Variants in KALRN observed in about 807,000 individuals in gnomAD.
KALRN encodes kalirin.
Under a neutral mutation model 353.7 loss-of-function variants are expected in KALRN, and 70 were observed. The observed-to-expected ratio is 0.20, with a 90% confidence interval of 0.16 to 0.24. KALRN has a LOEUF of 0.24. KALRN is among the 10% of genes least tolerant of loss of function. The probability of loss-of-function intolerance (pLI) is 1.00; values close to 1 mark genes in which losing one functional copy is unlikely to be tolerated. For synonymous variants in KALRN, 1,391 were observed against 1,434.8 expected (o/e 0.97, Z 0.69); for missense variants, 2,791 against 3,756.7 (o/e 0.74, Z 6.72).
chr3:124,578,953 T>A (rs1340658122), intron 34 of KALRN, among the ~76,000 whole-genome samples: 1 of 152,166 alleles, frequency 6.6e-6, no homozygotes, highest in Non-Finnish European at 1.5e-5. Flanking sequence ...AAGGTCACAG[T>A]AAGAAGGGTC....
chr3:124,605,140 C>T (rs1019172018), intron 34 of KALRN, among the ~76,000 whole-genome samples: 2 of 151,422 alleles, frequency 1.3e-5, no homozygotes, highest in African/African-American at 4.9e-5. Flanking sequence ...TGCACAGGGT[C>T]TCACTCTGTT....
intron 1 of KALRN, among the ~76,000 whole-genome samples, chr3:124,097,296 G>A (rs2061518225): frequency 6.6e-6 from 1 of 152,240 alleles, no homozygotes; most frequent in South Asian, 2.1e-4. Context: ...ATGAGTAAAT[G>A]AATGAAAGAT....
Position 124,725,064 on chromosome 3 carries a change from T to A in KALRN, c.*5594T>A, listed in dbSNP as rs550431977. The stretch of plus-strand genomic sequence containing the variant: ...TAACAATTCTTGGAATGCCAACTCC[T>A]GAGGCTTAGTTTAACCAAGCTAATT... On this transcript the variant is annotated 3_prime_UTR_variant, in exon 60 of 60. Transcript: ENST00000682506. 7.2e-5 allele frequency: 11 copies of A among 152,334 alleles called. No individual in the cohort carries two copies. Among genetic ancestry groups the A allele is most frequent in the Non-Finnish European group, 1.2e-4 (8 of 68,010 alleles). The allele number at this position is 152,334 out of a possible 1,614,324, so 9.4% of individuals were successfully genotyped here. A position where few individuals can be genotyped will look rare whatever the true frequency, so the allele number is the denominator to read the frequency against.
At chr3:124,274,307 G>C (rs2074468333) in intron 5 of KALRN, among the ~76,000 whole-genome samples, 1 of 152,258 alleles carries the variant, frequency 6.6e-6, no homozygotes, top group South Asian at 2.1e-4. Flanking sequence ...ATAAGTATCA[G>C]AAAATATCGA....
At chr3:124,584,907 G>T (rs770695953) in intron 34 of KALRN, 16 of 1,598,672 alleles carry the variant, frequency 1.0e-5, no homozygotes, top group Non-Finnish European at 1.7e-6. Context: ...CCGTGTAGAG[G>T]TGAGTGGCTG....
At chr3:124,598,022 A>T (rs2076432456) in intron 34 of KALRN, among the ~76,000 whole-genome samples, 1 of 152,120 alleles carries the variant, frequency 6.6e-6, no homozygotes, top group African/African-American at 2.4e-5. Context: ...CTTTGGAAGG[A>T]ATCTGGAGGG....
chr3:124,111,878 C>T (rs1321614794), intron 1 of KALRN, among the ~76,000 whole-genome samples: 1 of 152,160 alleles, frequency 6.6e-6, no homozygotes, highest in Non-Finnish European at 1.5e-5. Flanking sequence ...TTACAAATTA[C>T]TTCTATAAAT....
chr3:124,590,684 C>A (rs1243879838), intron 34 of KALRN, among the ~76,000 whole-genome samples: 2 of 152,104 alleles, frequency 1.3e-5, no homozygotes, highest in Non-Finnish European at 2.9e-5. Context: ...AAGTGCTACT[C>A]TTTCAGTGAG....
intron 34 of KALRN, among the ~76,000 whole-genome samples, chr3:124,614,921 T>A (rs1208524605): frequency 6.6e-6 from 1 of 152,188 alleles, no homozygotes; most frequent in Non-Finnish European, 1.5e-5. Flanking sequence ...GAGTAGAAAA[T>A]TAGCCTCTTC....
At chr3:124,279,981 A>C (rs1193860101) in intron 5 of KALRN, among the ~76,000 whole-genome samples, 1 of 152,200 alleles carries the variant, frequency 6.6e-6, no homozygotes, top group African/African-American at 2.4e-5. Context: ...GCTGGAGCAC[A>C]GGCTCTACAG....
At chr3:124,362,344 A>C (rs538346894) in intron 10 of KALRN, among the ~76,000 whole-genome samples, 40 of 152,350 alleles carry the variant, frequency 2.6e-4, no homozygotes, top group African/African-American at 8.7e-4. Context: ...TCAAGTTGTG[A>C]CAGGAACAGA....
chr3:124,545,842 G>C (rs1297163909), intron 33 of KALRN, among the ~76,000 whole-genome samples: 1 of 152,162 alleles, frequency 6.6e-6, no homozygotes, highest in Non-Finnish European at 1.5e-5. Context: ...CATTATTTTA[G>C]ATAAGGACAG....
At chr3:124,233,919 T>C (rs796587043) in intron 2 of KALRN, among the ~76,000 whole-genome samples, 55 of 152,352 alleles carry the variant, frequency 3.6e-4, no homozygotes, top group African/African-American at 1.3e-3. Flanking sequence ...TTAACTTTTT[T>C]CCTGTTTAAC....
chr3:124,413,552 A>G lies in KALRN; in HGVS notation c.2429A>G (p.Glu810Gly), dbSNP rs140243919. ...AACACAGAGGACCTAACCCTGGCAGAACAGCGGCTGCAGCGCCACACAGAA... is the reference window on the plus strand; with the variant it reads ...AACACAGAGGACCTAACCCTGGCAGGACAGCGGCTGCAGCGCCACACAGAA... ...DFNTEDLTLA[E>G]QRLQRHTERK... Residue 810 changes from glutamate to glycine, a missense_variant, in exon 14 of 60, where the codon GAA becomes GGA. By Grantham distance (98) the Glu-to-Gly change is moderately conservative. Transcript: ENST00000682506. The G allele has an allele frequency of 3.0e-5, 48 of 1,614,072 alleles. No homozygotes were observed. The highest frequency in any genetic ancestry group is 3.9e-5 in the Non-Finnish European group (46 of 1,180,044).
chr3:124,236,674 A>G (rs2079813503), intron 3 of KALRN, among the ~76,000 whole-genome samples: 1 of 152,172 alleles, frequency 6.6e-6, no homozygotes, highest in African/African-American at 2.4e-5. Context: ...CTTCATTCTG[A>G]CTTGTTAAGC....
chr3:124,094,802 G>A (rs769968482), intron 1 of KALRN: 3 of 1,596,870 alleles, frequency 1.9e-6, no homozygotes, highest in Non-Finnish European at 2.6e-6. Context: ...AGGCTCTGCC[G>A]AGGGGACTGG....
intron 15 of KALRN, among the ~76,000 whole-genome samples, chr3:124,428,134 G>A (rs1252857549): frequency 6.6e-6 from 1 of 152,120 alleles, no homozygotes; most frequent in Non-Finnish European, 1.5e-5. Context: ...CCAGTTTTAT[G>A]AACCTGGAAG....
intron 3 of KALRN, among the ~76,000 whole-genome samples, chr3:124,236,578 T>C (rs1409765711): frequency 6.6e-6 from 1 of 152,230 alleles, no homozygotes; most frequent in Admixed American, 6.5e-5. Context: ...AATTTTTCTT[T>C]CCTGCGTGTT....
In KALRN at chr3:124,434,622, G is replaced by A. The variant is rs1184888094; in HGVS notation, c.3048+97G>A. On this transcript the variant is annotated intron_variant, in intron 17 of 59. Transcript: ENST00000682506. ...TGTGCAGTGCTTATGTCAGCGAGAAGCCTGTCCTTTCAGTACTAACATTTG... is the reference window on the plus strand; with the variant it reads ...TGTGCAGTGCTTATGTCAGCGAGAAACCTGTCCTTTCAGTACTAACATTTG... 1.1e-5 allele frequency: 12 copies of A among 1,072,728 alleles called. No homozygotes were observed. In the East Asian group the frequency reaches 3.0e-4, roughly 27 times the overall value. 66.5% of individuals were successfully genotyped at this position (1,072,728 alleles called of 1,614,324 possible). A position where few individuals can be genotyped will look rare whatever the true frequency, so the allele number is the denominator to read the frequency against.
Sources: allele counts gnomAD v4.1 joint callset (sites outside exome capture counted in the v4.1 genomes callset), GRCh38; gene constraint gnomAD v4.1.1; transcripts MANE v1.5; gene names NCBI Gene and HGNC (gene_info 2026-07-23, HGNC 2026-07-21).